PINX1: variants seen among roughly 807,000 people sequenced by gnomAD.
The protein encoded by PINX1 is PIN2 (TERF1) interacting telomerase inhibitor 1.
A neutral mutation model predicts 25.4 loss-of-function variants in PINX1; 34 were observed. That is an observed-to-expected ratio of 1.34 (90% CI 1.02 to 1.78). The LOEUF (loss-of-function observed/expected upper bound fraction) is 1.78, where lower values mean the gene tolerates loss of function less well. Ranked by LOEUF, PINX1 falls within the 40% of genes most tolerant of loss-of-function variation. The pLI is 0.00. For synonymous variants in PINX1, 197 were observed against 147.7 expected, an observed-to-expected ratio of 1.33 and a Z score of -2.42; for missense variants, 592 against 404.9, an observed-to-expected ratio of 1.46 and a Z score of -3.97.
At chr8:10,809,489 C>A (rs913766827) in intron 6 of PINX1, among the ~76,000 whole-genome samples, 2 of 152,330 alleles carry the variant, frequency 1.3e-5, no homozygotes, top group South Asian at 4.1e-4. Context: ...TCACAGGGCT[C>A]ATTTTCCCTG....
intron 5 of PINX1, among the ~76,000 whole-genome samples, chr8:10,820,884 G>C (rs1173272007): frequency 6.6e-6 from 1 of 152,148 alleles, no homozygotes; most frequent in African/African-American, 2.4e-5. Context: ...TAGCTATATT[G>C]TCTCTAAATA....
chr8:10,831,425 TAGA>T (rs963517653), intron 4 of PINX1, among the ~76,000 whole-genome samples: 4 of 152,210 alleles, frequency 2.6e-5, no homozygotes, highest in African/African-American at 9.6e-5. Context: ...TTCAAATAGC[TAGA>T]AGAACAGATT....
At chr8:10,830,921 A>G (rs942775182) in intron 4 of PINX1, among the ~76,000 whole-genome samples, 1 of 152,212 alleles carries the variant, frequency 6.6e-6, no homozygotes, top group Non-Finnish European at 1.5e-5. Context: ...TAGAACTACT[A>G]TATGATCCAG....
At chr8:10,822,450 T>G (rs1406923686) in intron 5 of PINX1, among the ~76,000 whole-genome samples, 1 of 152,246 alleles carries the variant, frequency 6.6e-6, no homozygotes, top group African/African-American at 2.4e-5. Flanking sequence ...TAGTCTTCAA[T>G]GCGTAACATT....
rs1312696461 is a variant in PINX1 at position 10,811,670 on chromosome 8, GC to G, written c.471+8522del. Reference sequence around the variant, plus strand: ...AGCTGGCCAGGCACCTGCTCCCCAGGCAAGCTCGGGGTGCCTGCATAACTCA... The same window carrying G: ...AGCTGGCCAGGCACCTGCTCCCCAGGAAGCTCGGGGTGCCTGCATAACTCA... On this transcript the variant is annotated intron_variant, in intron 6 of 6. Coordinates refer to ENST00000314787, the MANE Select transcript of PINX1 (RefSeq NM_017884.6). Among the ~76,000 whole-genome samples the G allele has an allele frequency of 3.9e-5, 6 of 152,308 alleles. No homozygotes were observed. The East Asian group carries it at 9.6e-4, about 24-fold the overall frequency.
At chr8:10,771,355 C>A (rs1468208547) in intron 6 of PINX1, 1 of 152,224 alleles carries the variant, frequency 6.6e-6, no homozygotes, top group Non-Finnish European at 1.5e-5. Flanking sequence ...CCCCTGTACA[C>A]AGTCCCGTGC....
At chr8:10,799,185 C>T (rs1388027071) in intron 6 of PINX1, among the ~76,000 whole-genome samples, 1 of 151,554 alleles carries the variant, frequency 6.6e-6, no homozygotes, top group Admixed American at 6.6e-5. Context: ...GGACAGAGTA[C>T]CTGCAAAAAG....
At chr8:10,811,540 A>G (rs994913857) in intron 6 of PINX1, among the ~76,000 whole-genome samples, 2 of 152,038 alleles carry the variant, frequency 1.3e-5, no homozygotes, top group African/African-American at 2.4e-5. Context: ...TGTTCACCCT[A>G]TTTCTGTGGG....
chr8:10,808,269 T>C (rs1487952088), intron 6 of PINX1, among the ~76,000 whole-genome samples: 2 of 152,096 alleles, frequency 1.3e-5, no homozygotes, highest in Non-Finnish European at 2.9e-5. Context: ...CATGGAAAAA[T>C]GTCAATGCAA....
chr8:10,767,252 G>C (rs1431346062), intron 6 of PINX1, among the ~76,000 whole-genome samples: 4 of 151,326 alleles, frequency 2.6e-5, no homozygotes, highest in Non-Finnish European at 5.9e-5. Flanking sequence ...AACAGACCCT[G>C]TATTGTCTCG....
At chr8:10,771,987 C>T (rs141257260) in intron 6 of PINX1, among the ~76,000 whole-genome samples, 270 of 152,314 alleles carry the variant, frequency 1.8e-3, no homozygotes, top group African/African-American at 5.8e-3. Flanking sequence ...TGTCATTCCA[C>T]ATGTTACCAC....
chr8:10,791,011 C>G (rs1306592651), intron 6 of PINX1, among the ~76,000 whole-genome samples: 1 of 152,176 alleles, frequency 6.6e-6, no homozygotes, highest in East Asian at 1.9e-4. Flanking sequence ...TTCCCAAGTT[C>G]ATGTGATTCT....
Position 10,837,503 on chromosome 8 carries a change from G to T in PINX1, c.19+2235C>A, listed in dbSNP as rs79502544. Reference sequence around the variant, plus strand: ...TGCCTGAATCCCCCAGCACATCATTGAATCTGGGGATGATCTTGGGGACCC... The same window carrying T: ...TGCCTGAATCCCCCAGCACATCATTTAATCTGGGGATGATCTTGGGGACCC... On this transcript the variant is annotated intron_variant, in intron 1 of 6. Transcript: ENST00000314787. Among the ~76,000 whole-genome samples the T allele has an allele frequency of 1.6e-3, 248 of 152,302 alleles. 2 individuals carry two copies. In the East Asian group the frequency reaches 0.038, roughly 23 times the overall value.
At position 10,825,139 on chromosome 8, in the gene PINX1, C is replaced by G. The variant is rs187000516; in HGVS notation, c.394+1013G>C. ...GCCTCTCACCTCAACCAAACCCAGCCCTCACTTTTGGGCTCCTGGCCCTAA... is the reference window on the plus strand; with the variant it reads ...GCCTCTCACCTCAACCAAACCCAGCGCTCACTTTTGGGCTCCTGGCCCTAA... On this transcript the variant is annotated intron_variant, in intron 5 of 6. Transcript: ENST00000314787. Among the ~76,000 whole-genome samples, 921 of 152,346 alleles carry G rather than the reference C, an allele frequency of 6.0e-3. 11 individuals are homozygous for G. The highest frequency in any genetic ancestry group is 0.021 in the African/African-American group (888 of 41,574).
intron 6 of PINX1, among the ~76,000 whole-genome samples, chr8:10,816,000 A>G (rs1473116376): frequency 6.6e-6 from 1 of 152,204 alleles, no homozygotes; most frequent in Non-Finnish European, 1.5e-5. Flanking sequence ...TGGTCTGTAC[A>G]CACGATATTC....
intron 6 of PINX1, among the ~76,000 whole-genome samples, chr8:10,789,416 T>C (rs1801853350): frequency 6.6e-6 from 1 of 152,230 alleles, no homozygotes; most frequent in Non-Finnish European, 1.5e-5. Flanking sequence ...CTTCTCACAG[T>C]TACCTTTGGG....
chr8:10,792,300 C>G (rs573210044), intron 6 of PINX1, among the ~76,000 whole-genome samples: 1 of 152,094 alleles, frequency 6.6e-6, no homozygotes, highest in South Asian at 2.1e-4. Context: ...TGCATCTTCT[C>G]TTACTGACCC....
At chr8:10,830,471 C>G (rs1234714235) in intron 4 of PINX1, among the ~76,000 whole-genome samples, 1 of 152,176 alleles carries the variant, frequency 6.6e-6, no homozygotes, top group African/African-American at 2.4e-5. Context: ...AAACTAGTAC[C>G]CAGCACACAG....
chr8:10,816,577 C>T (rs771438824), intron 6 of PINX1, among the ~76,000 whole-genome samples: 2 of 152,224 alleles, frequency 1.3e-5, no homozygotes, highest in South Asian at 4.1e-4. Context: ...TAACAGCTCA[C>T]CTCTGACTAC....
Sources: allele counts gnomAD v4.1 joint callset (sites outside exome capture counted in the v4.1 genomes callset), GRCh38; gene constraint gnomAD v4.1.1; transcripts MANE v1.5; gene names NCBI Gene and HGNC (gene_info 2026-07-23, HGNC 2026-07-21).